The following KLHL4 variants were observed in gnomAD, a reference collection of about 807,000 sequenced individuals.
The protein encoded by KLHL4 is kelch-like protein 4.
A neutral mutation model predicts 45.8 loss-of-function variants in KLHL4; 17 were observed. The observed-to-expected ratio is 0.37, with a 90% CI of 0.25 to 0.56. The LOEUF (loss-of-function observed/expected upper bound fraction) is 0.56, where lower values mean the gene tolerates loss of function less well. Among genes scored for constraint, KLHL4 ranks in the 20% least tolerant of loss-of-function variants. The pLI is 0.79. For synonymous variants in KLHL4, 224 were observed against 189.9 expected (o/e 1.18, Z -1.47); for missense variants, 544 against 544.9 (o/e 1.00, Z 0.02).
In KLHL4 at chrX:87,551,299, C is replaced by T. The variant is rs556282307; in HGVS notation, c.422+32984C>T. Among the ~76,000 whole-genome samples, 89 of 108,949 alleles carry T rather than the reference C, an allele frequency of 8.2e-4. 1 individual carries two copies. The South Asian group carries it at 0.031, about 38-fold the overall frequency. 94.6% of individuals were successfully genotyped at this position (108,949 alleles called of 115,157 possible). ...AAATTAAACTTAGGAATATACCTAA[C>T]CAAAAGACCTCTATGAAGAAAACTA... On this transcript the variant is annotated intron_variant, in intron 1 of 10. Coordinates refer to ENST00000373119, the MANE Select transcript of KLHL4 (RefSeq NM_019117.5).
chrX:87,650,277 T>G (rs1458803816), intron 9 of KLHL4, among the ~76,000 whole-genome samples: 2 of 111,004 alleles, frequency 1.8e-5, no homozygotes, highest in Non-Finnish European at 3.8e-5. Flanking sequence ...TTTGTAATTT[T>G]TGTAGGCACA....
intron 3 of KLHL4, 48 bp downstream of exon 3, chrX:87,614,618 C>A (rs770270367): frequency 9.2e-7 from 1 of 1,091,037 alleles, no homozygotes; most frequent in Non-Finnish European, 1.2e-6. Flanking sequence ...CATTACATAA[C>A]ACATTATTAT....
chrX:87,611,714 A>G (rs938086531), intron 1 of KLHL4, among the ~76,000 whole-genome samples: 6 of 78,377 alleles, frequency 7.7e-5, no homozygotes, highest in African/African-American at 2.8e-4. Context: ...ACTATTTTAG[A>G]GTGTATTCCT....
intron 1 of KLHL4, among the ~76,000 whole-genome samples, chrX:87,533,751 G>A (rs966588877): frequency 1.8e-5 from 2 of 110,677 alleles, no homozygotes; most frequent in Non-Finnish European, 3.8e-5. Flanking sequence ...CAAACACATA[G>A]CTTAGATCTT....
chrX:87,559,884 T>C (rs1167127085), intron 1 of KLHL4, among the ~76,000 whole-genome samples: 1 of 111,595 alleles, frequency 9.0e-6, no homozygotes, highest in Non-Finnish European at 1.9e-5. Flanking sequence ...AGTAGTATAA[T>C]AATACTATAT....
At chrX:87,660,770 G>C (rs1924161140) in intron 9 of KLHL4, among the ~76,000 whole-genome samples, 1 of 112,555 alleles carries the variant, frequency 8.9e-6, no homozygotes, top group Admixed American at 9.4e-5. Flanking sequence ...TTTGAGCTTG[G>C]GAGGCGGAGA....
At chrX:87,556,922 A>G (rs140959925) in intron 1 of KLHL4, among the ~76,000 whole-genome samples, 1,912 of 111,365 alleles carry the variant, frequency 0.017, 23 homozygotes, top group Non-Finnish European at 0.026. Flanking sequence ...GGAAAGCCTG[A>G]TGCGCTTTAT....
chrX:87,637,999 C>T (rs1157507282), intron 9 of KLHL4, among the ~76,000 whole-genome samples: 2 of 111,252 alleles, frequency 1.8e-5, no homozygotes, highest in African/African-American at 3.3e-5. Flanking sequence ...ACATAAAAAA[C>T]AATTACAACT....
At chrX:87,618,360 TG>T (rs1215333495) in intron 4 of KLHL4, among the ~76,000 whole-genome samples, 3 of 111,635 alleles carry the variant, frequency 2.7e-5, no homozygotes, top group Non-Finnish European at 5.6e-5. Flanking sequence ...AAAAATAAAT[TG>T]TACAACTGCG....
chrX:87,666,692 G>C lies in KLHL4; in HGVS notation c.*158G>C. 1 of 979,330 alleles carries C rather than the reference G, an allele frequency of 1.0e-6. No individual in the cohort carries two copies. The highest frequency in any genetic ancestry group is 1.3e-6 in the Non-Finnish European group (1 of 778,043). 80.7% of individuals were successfully genotyped at this position (979,330 alleles called of 1,213,427 possible). ...TTTGTAGTTACAATTGCTTTCATTC[G>C]TGAAGCCGAAACGTTTTTAAACATG... On this transcript the variant is annotated 3_prime_UTR_variant, in exon 11 of 11. Coordinates refer to ENST00000373119, the MANE Select transcript of KLHL4 (RefSeq NM_019117.5).
At chrX:87,663,057 A>C (rs1275367494) in intron 9 of KLHL4, among the ~76,000 whole-genome samples, 1 of 105,326 alleles carries the variant, frequency 9.5e-6, no homozygotes, top group African/African-American at 3.5e-5. Flanking sequence ...CTTTTGGCAT[A>C]CCCAATTACT....
In KLHL4 at chrX:87,659,113, C is replaced by CTTTTTTT. The variant is rs1178733729; in HGVS notation, c.1926-5633_1926-5627dup. 1.8e-3 allele frequency among the ~76,000 whole-genome samples: 80 copies of CTTTTTTT among 45,028 alleles called. 1 individual carries two copies. The highest frequency in any genetic ancestry group is 2.2e-3 in the Non-Finnish European group (61 of 27,818). The allele number at this position is 45,028 out of a possible 115,157, so 39.1% of individuals were successfully genotyped here. A position where few individuals can be genotyped will look rare whatever the true frequency, so the allele number is the denominator to read the frequency against. On this transcript the variant is annotated intron_variant, in intron 9 of 10. Transcript: ENST00000373119. ...TTCATATTTCTTTATTCTTTTCTTT[C>CTTTTTTT]TTTTTTTTTTTTTTTTTTTTTTTTG... is the stretch of plus-strand genomic sequence containing the variant.
chrX:87,539,484 A>G (rs1432462263), intron 1 of KLHL4, among the ~76,000 whole-genome samples: 1 of 110,173 alleles, frequency 9.1e-6, no homozygotes, highest in Non-Finnish European at 1.9e-5. Flanking sequence ...CGATTTTTGG[A>G]CCCAATTATT....
chrX:87,601,324 G>A (rs1038907274), intron 1 of KLHL4, among the ~76,000 whole-genome samples: 3 of 111,351 alleles, frequency 2.7e-5, no homozygotes, highest in East Asian at 2.8e-4. Flanking sequence ...GCATGGTTCC[G>A]GAGTTTGCAT....
At chrX:87,531,650 C>T (rs1404346156) in intron 1 of KLHL4, among the ~76,000 whole-genome samples, 2 of 106,135 alleles carry the variant, frequency 1.9e-5, no homozygotes, top group Non-Finnish European at 1.9e-5. Flanking sequence ...GATACAAAAT[C>T]AATGTACAAA....
At position 87,613,899 on chromosome X, in the gene KLHL4, G is replaced by A. The variant is rs762692757; in HGVS notation, c.445G>A (p.Asp149Asn). Residue 149 changes from aspartate to asparagine, a missense_variant, in exon 2 of 11, where the codon GAC becomes AAC. Transcript: ENST00000373119. Reference protein sequence around the residue: ...TARLDTQHSEDMNATRSEEQF... With the variant: ...TARLDTQHSENMNATRSEEQF... ...CAGATTAGATACACAACACTCTGAA[G>A]ACATGAATGCCACCAGATCTGAAGA... 5 of 1,199,131 alleles carry A rather than the reference G, an allele frequency of 4.2e-6. No individual in the cohort carries two copies. The highest frequency in any genetic ancestry group is 5.6e-6 in the Non-Finnish European group (5 of 888,888).
chrX:87,654,921 C>T (rs1923938245), intron 9 of KLHL4, among the ~76,000 whole-genome samples: 2 of 111,629 alleles, frequency 1.8e-5, no homozygotes, highest in Non-Finnish European at 3.8e-5. Flanking sequence ...TTTGCATATG[C>T]TTTTTGGCCA....
At chrX:87,621,432 A>G (rs1922745631) in intron 4 of KLHL4, among the ~76,000 whole-genome samples, 2 of 110,104 alleles carry the variant, frequency 1.8e-5, no homozygotes, top group Admixed American at 9.7e-5. Flanking sequence ...TTGAAATTGT[A>G]TATTTGACAA....
In KLHL4 at chrX:87,669,122, T is replaced by A; in HGVS notation, c.*2588T>A. On this transcript the variant is annotated 3_prime_UTR_variant, in exon 11 of 11. Transcript: ENST00000373119. ...ACTTATCAGGGCTAGTTTAAACAAATGTGTATAGGAAAGGATGTTATTTAT... is the reference window on the plus strand; with the variant it reads ...ACTTATCAGGGCTAGTTTAAACAAAAGTGTATAGGAAAGGATGTTATTTAT... The A allele has an allele frequency of 2.0e-6, 2 of 987,076 alleles. No homozygotes were observed. The highest frequency in any genetic ancestry group is 2.5e-6 in the Non-Finnish European group (2 of 784,577). The allele number at this position is 987,076 out of a possible 1,213,427, so 81.3% of individuals were successfully genotyped here. A position where few individuals can be genotyped will look rare whatever the true frequency, so the allele number is the denominator to read the frequency against.
Sources: gnomAD v4.1 joint callset for allele counts (sites outside exome capture counted in the v4.1 genomes callset) on GRCh38, gnomAD v4.1.1 for gene constraint, MANE v1.5 for transcripts, NCBI Gene and HGNC (gene_info 2026-07-23, HGNC 2026-07-21) for gene names.